USP34: variants seen among roughly 807,000 people sequenced by gnomAD.
USP34 encodes ubiquitin specific peptidase 34, also known as ubiquitin carboxyl-terminal hydrolase 34.
A neutral mutation model predicts 460.3 loss-of-function variants in USP34; 70 were observed. The observed-to-expected ratio is 0.15, with a 90% CI of 0.13 to 0.19. The LOEUF is 0.19. Ranked by LOEUF, USP34 falls within the 10% of genes least tolerant of loss-of-function variation. The probability of loss-of-function intolerance (pLI) is 1.00; values close to 1 mark genes in which losing one functional copy is unlikely to be tolerated. For missense variants in USP34, 3,985 were observed against 4,236.2 expected, an observed-to-expected ratio of 0.94 and a Z score of 1.65; for synonymous variants, 1,647 against 1,405.3, an observed-to-expected ratio of 1.17 and a Z score of -3.85.
intron 30 of USP34, 90 bp downstream of exon 30, chr2:61,296,710 G>A (rs1690041545): frequency 7.5e-7 from 1 of 1,331,156 alleles, no homozygotes; most frequent in Non-Finnish European, 1.0e-6. Context: ...GATTTACTGA[G>A]GGTACATCAA....
intron 5 of USP34, among the ~76,000 whole-genome samples, chr2:61,384,369 G>T (rs891340690): frequency 6.6e-6 from 1 of 152,038 alleles, no homozygotes; most frequent in Non-Finnish European, 1.5e-5. Context: ...ACAGGCAGGA[G>T]ATACAAATTA....
intron 41 of USP34, among the ~76,000 whole-genome samples, chr2:61,274,781 C>G (rs552493741): frequency 6.6e-6 from 1 of 152,168 alleles, no homozygotes; most frequent in Admixed American, 6.5e-5. Flanking sequence ...CTTCCACAGA[C>G]AGTTAACTTG....
chr2:61,470,387 A>G (rs1695916200), intron 1 of USP34, among the ~76,000 whole-genome samples: 1 of 151,704 alleles, frequency 6.6e-6, no homozygotes, highest in Non-Finnish European at 1.5e-5. Flanking sequence ...TAATGAGGAA[A>G]CTTTCCGAGA....
At chr2:61,202,196 T>A (rs760058460) in intron 75 of USP34, among the ~76,000 whole-genome samples, 2 of 152,182 alleles carry the variant, frequency 1.3e-5, no homozygotes, top group Admixed American at 6.5e-5. Context: ...GGGTCACATC[T>A]TCTGCCCTAC....
At chr2:61,205,068 G>A (rs1687078861) in intron 72 of USP34, among the ~76,000 whole-genome samples, 1 of 152,000 alleles carries the variant, frequency 6.6e-6, no homozygotes, top group South Asian at 2.1e-4. Flanking sequence ...ATGTTGCCCA[G>A]GCTGCTTTTG....
intron 15 of USP34, among the ~76,000 whole-genome samples, chr2:61,344,379 G>A (rs1281732372): frequency 6.6e-6 from 1 of 152,068 alleles, no homozygotes; most frequent in Non-Finnish European, 1.5e-5. Flanking sequence ...TTTTACAACT[G>A]TAGAATCAAA....
At chr2:61,201,666 T>C (rs1190804828) in intron 75 of USP34, among the ~76,000 whole-genome samples, 4 of 152,082 alleles carry the variant, frequency 2.6e-5, no homozygotes, top group African/African-American at 9.7e-5. Flanking sequence ...TTCTTCCATT[T>C]CTCCACCATG....
intron 75 of USP34, among the ~76,000 whole-genome samples, chr2:61,202,705 C>T (rs1479909165): frequency 1.3e-5 from 2 of 152,216 alleles, no homozygotes; most frequent in African/African-American, 2.4e-5. Flanking sequence ...CTCTGCTTCA[C>T]ACTGGCAAGC....
At chr2:61,412,917 A>G (rs1023102749) in intron 2 of USP34, among the ~76,000 whole-genome samples, 12 of 151,924 alleles carry the variant, frequency 7.9e-5, no homozygotes, top group African/African-American at 2.9e-4. Flanking sequence ...GAGAATATGA[A>G]AAGGAAGTAA....
intron 67 of USP34, among the ~76,000 whole-genome samples, chr2:61,215,966 A>ACT (rs1477645222): frequency 6.6e-6 from 1 of 151,828 alleles, no homozygotes; most frequent in African/African-American, 2.4e-5. Flanking sequence ...CCTCCTCAAG[A>ACT]CTCTCTAATG....
chr2:61,413,825 G>C (rs1437098234), intron 2 of USP34, among the ~76,000 whole-genome samples: 1 of 137,430 alleles, frequency 7.3e-6, no homozygotes, highest in Admixed American at 7.9e-5. Context: ...TAGATACTCA[G>C]GAGGCTGAGG....
chr2:61,467,770 A>C (rs902944196), intron 1 of USP34, among the ~76,000 whole-genome samples: 3 of 151,538 alleles, frequency 2.0e-5, no homozygotes, highest in Non-Finnish European at 4.4e-5. Flanking sequence ...ACAGATGCCT[A>C]CACCACCACA....
At chr2:61,453,277 G>A (rs551264711) in intron 1 of USP34, among the ~76,000 whole-genome samples, 104 of 152,094 alleles carry the variant, frequency 6.8e-4, no homozygotes, top group African/African-American at 2.4e-3. Context: ...AGCCAAGTGT[G>A]GTGGCCTGCG....
intron 25 of USP34, among the ~76,000 whole-genome samples, chr2:61,313,737 C>G (rs913489426): frequency 6.6e-6 from 1 of 152,066 alleles, no homozygotes. Flanking sequence ...GAATTGCAAT[C>G]TTAAAGAATT....
intron 20 of USP34, among the ~76,000 whole-genome samples, chr2:61,327,416 T>G (rs992740625): frequency 5.9e-5 from 9 of 152,220 alleles, no homozygotes; most frequent in African/African-American, 2.2e-4. Context: ...CAGCTAGCTC[T>G]TAAGGGCTTC....
At chr2:61,201,617 AAGCTGATTC>A (rs771567342) in intron 75 of USP34, among the ~76,000 whole-genome samples, 49 of 152,288 alleles carry the variant, frequency 3.2e-4, no homozygotes, top group Non-Finnish European at 6.2e-4. Flanking sequence ...TGAATCACAA[AAGCTGATTC>A]AGCTGATGTG....
intron 6 of USP34, 37 bp from the exon 7 acceptor site, chr2:61,380,398 C>CAT: frequency 6.4e-7 from 1 of 1,571,112 alleles, no homozygotes; most frequent in Non-Finnish European, 8.6e-7. Flanking sequence ...CACAAAAATT[C>CAT]ATAAAGCATT....
intron 62 of USP34, 128 bp from the exon 63 acceptor site, chr2:61,223,424 T>C: frequency 1.0e-6 from 1 of 956,940 alleles, no homozygotes; most frequent in Non-Finnish European, 1.5e-6. Flanking sequence ...AAATGATTTT[T>C]TGCTAGCTAC....
At chr2:61,416,817 T>G in intron 2 of USP34, 1 of 351,710 alleles carries the variant, frequency 2.8e-6, no homozygotes, top group Non-Finnish European at 4.9e-6. Flanking sequence ...AATCTTTTTT[T>G]TTTTGGGGGG....
Sources: gnomAD v4.1 joint callset for allele counts (sites outside exome capture counted in the v4.1 genomes callset) on GRCh38, gnomAD v4.1.1 for gene constraint, MANE v1.5 for transcripts, NCBI Gene and HGNC (gene_info 2026-07-23, HGNC 2026-07-21) for gene names.